Variants in GRM7 observed in about 807,000 individuals in gnomAD.
GRM7 encodes the protein glutamate metabotropic receptor 7.
Under a neutral mutation model 84.5 loss-of-function variants are expected in GRM7, and 35 were observed. That is an observed-to-expected ratio of 0.41 (90% CI 0.32 to 0.55). The LOEUF (loss-of-function observed/expected upper bound fraction) is 0.55. GRM7 is among the 20% of genes least tolerant of loss of function. GRM7 has a pLI of 0.19. For missense variants in GRM7, 1,003 were observed against 1,194.6 expected, an observed-to-expected ratio of 0.84 and a Z score of 2.36; for synonymous variants, 487 against 455.1, an observed-to-expected ratio of 1.07 and a Z score of -0.89.
At chr3:7,041,742 ATT>A (rs944442642) in intron 1 of GRM7, among the ~76,000 whole-genome samples, 2 of 152,146 alleles carry the variant, frequency 1.3e-5, no homozygotes, top group African/African-American at 2.4e-5. Context: ...CTCCAGAGTG[ATT>A]TTTTGGAATG....
intron 1 of GRM7, among the ~76,000 whole-genome samples, chr3:7,051,829 G>A (rs1391598680): frequency 1.3e-5 from 2 of 151,710 alleles, no homozygotes; most frequent in African/African-American, 4.8e-5. Context: ...TACAGAAAAT[G>A]GGAAGAGAAG....
chr3:7,652,518 G>A (rs58790123), intron 8 of GRM7, among the ~76,000 whole-genome samples: 153 of 152,256 alleles, frequency 1.0e-3, no homozygotes, highest in African/African-American at 3.3e-3. Context: ...CTCTGTCAGC[G>A]TCAGTTTCCT....
chr3:7,259,029 C>CATTAATTTGGAATG (rs1252147673), intron 2 of GRM7, among the ~76,000 whole-genome samples: 1 of 152,212 alleles, frequency 6.6e-6, no homozygotes, highest in East Asian at 1.9e-4. Flanking sequence ...CTGGCATTGG[C>CATTAATTTGGAATG]CTACTGCTAG....
intron 2 of GRM7, among the ~76,000 whole-genome samples, chr3:7,238,828 T>C (rs1697440933): frequency 6.8e-6 from 1 of 147,640 alleles, no homozygotes; most frequent in Non-Finnish European, 1.5e-5. Context: ...CCTCCTCTCC[T>C]CTCCCCTCCC....
chr3:6,925,076 T>C (rs2055321), intron 1 of GRM7, among the ~76,000 whole-genome samples: 8,198 of 152,196 alleles, frequency 0.054, 320 homozygotes, highest in East Asian at 0.2. Flanking sequence ...GTGGGGAGAA[T>C]GGAGTAAAGA....
At chr3:7,428,950 C>T (rs1696719454) in intron 5 of GRM7, among the ~76,000 whole-genome samples, 1 of 152,132 alleles carries the variant, frequency 6.6e-6, no homozygotes, top group South Asian at 2.1e-4. Context: ...ATGTTTAAAA[C>T]ACATCAGGAC....
intron 7 of GRM7, among the ~76,000 whole-genome samples, chr3:7,528,673 A>C (rs531943930): frequency 6.6e-6 from 1 of 151,932 alleles, no homozygotes; most frequent in South Asian, 2.1e-4. Flanking sequence ...TTTCCTCTTA[A>C]CACTGCTTTT....
intron 7 of GRM7, among the ~76,000 whole-genome samples, chr3:7,558,152 T>C (rs1379608200): frequency 2.6e-5 from 4 of 152,260 alleles, no homozygotes; most frequent in South Asian, 4.1e-4. Flanking sequence ...TGAAATCTTA[T>C]AAGATGTATG....
intron 7 of GRM7, among the ~76,000 whole-genome samples, chr3:7,506,634 C>T (rs560146713): frequency 2.0e-5 from 3 of 152,256 alleles, no homozygotes; most frequent in Non-Finnish European, 4.4e-5. Flanking sequence ...AGTCTAAGAA[C>T]ACGGTGCCTG....
At chr3:7,726,020 A>G (rs1702113456) in intron 9 of GRM7, among the ~76,000 whole-genome samples, 1 of 152,120 alleles carries the variant, frequency 6.6e-6, no homozygotes, top group Admixed American at 6.6e-5. Flanking sequence ...TGTGTGGGGG[A>G]AAAATGAAGA....
At position 7,401,300 on chromosome 3, in the gene GRM7, A is replaced by G. The variant is rs543920826; in HGVS notation, c.1034-13723A>G. 3.9e-5 allele frequency among the ~76,000 whole-genome samples: 6 copies of G among 152,274 alleles called. No individual in the cohort carries two copies. The East Asian group carries it at 7.7e-4, about 20-fold the overall frequency. Reference sequence around the variant, plus strand: ...GTCATAAAACTCTCATCTGGCACTCAGAGTGCTGCCTGCTCCTTAGAGGAG... The same window carrying G: ...GTCATAAAACTCTCATCTGGCACTCGGAGTGCTGCCTGCTCCTTAGAGGAG... On this transcript the variant is annotated intron_variant, in intron 4 of 9. Transcript: ENST00000357716.
rs531628297 is a variant in GRM7, at chr3:7,290,313, C to G, written c.737-8371C>G. ...AATTTCACCATCTGCAAAATGGAAG[C>G]GTTGTTCTAAGTATTCTTTTAGTTC... is the stretch of plus-strand genomic sequence containing the variant. On this transcript the variant is annotated intron_variant, in intron 2 of 9. Transcript: ENST00000357716. Among the ~76,000 whole-genome samples, 10 of 152,124 alleles carry G rather than the reference C, an allele frequency of 6.6e-5. 1 individual carries two copies. Among genetic ancestry groups the G allele is most frequent in the Admixed American group, 6.6e-4 (10 of 15,256 alleles).
At chr3:7,099,053 A>G (rs112719428) in intron 1 of GRM7, among the ~76,000 whole-genome samples, 3 of 151,756 alleles carry the variant, frequency 2.0e-5, no homozygotes, top group African/African-American at 4.8e-5. Context: ...GCCAAGACCT[A>G]TATCTTATTT....
At chr3:7,179,289 A>G (rs1189299683) in intron 2 of GRM7, among the ~76,000 whole-genome samples, 1 of 152,180 alleles carries the variant, frequency 6.6e-6, no homozygotes, top group Non-Finnish European at 1.5e-5. Context: ...AAGTGGAAGC[A>G]TCTAAAATAT....
At chr3:7,053,101 G>C (rs1024424069) in intron 1 of GRM7, among the ~76,000 whole-genome samples, 4 of 149,112 alleles carry the variant, frequency 2.7e-5, no homozygotes, top group Non-Finnish European at 6.0e-5. Context: ...AATAATTCTA[G>C]TTGGAGTGTA....
intron 4 of GRM7, among the ~76,000 whole-genome samples, chr3:7,389,837 G>C (rs1345329601): frequency 6.6e-6 from 1 of 151,586 alleles, no homozygotes; most frequent in Non-Finnish European, 1.5e-5. Context: ...TGTTTTGATT[G>C]TTTGCATTCA....
At chr3:7,520,007 G>T (rs1390313143) in intron 7 of GRM7, 2 of 152,208 alleles carry the variant, frequency 1.3e-5, no homozygotes, top group Non-Finnish European at 2.9e-5. Flanking sequence ...GTTGCTCAGG[G>T]CACACATCCT....
chr3:7,099,285 T>TATACATGTATATATGTACACATGTATA (rs1698973820), intron 1 of GRM7, among the ~76,000 whole-genome samples: 7 of 146,806 alleles, frequency 4.8e-5, no homozygotes, highest in Non-Finnish European at 7.5e-5. Context: ...ATACATGTAT[T>TATACATGTATATATGTACACATGTATA]ATACATGTAT....
intron 2 of GRM7, among the ~76,000 whole-genome samples, chr3:7,232,282 G>A (rs1697218314): frequency 6.6e-6 from 1 of 151,972 alleles, no homozygotes; most frequent in African/African-American, 2.4e-5. Context: ...CACTCTGTTG[G>A]TTCTATGTTG....
Sources: allele counts gnomAD v4.1 joint callset (sites outside exome capture counted in the v4.1 genomes callset), GRCh38; gene constraint gnomAD v4.1.1; transcripts MANE v1.5; gene names NCBI Gene and HGNC (gene_info 2026-07-23, HGNC 2026-07-21).